GLI3: variants seen among roughly 807,000 people sequenced by gnomAD.
GLI3 encodes the protein transcription activator GLI3.
Under a neutral mutation model 100.8 loss-of-function variants are expected in GLI3, and 20 were observed. The ratio of observed to expected loss-of-function variants is 0.20; its 90% CI spans 0.14 to 0.29. The LOEUF is 0.29. GLI3 is among the 10% of genes least tolerant of loss of function. GLI3 has a pLI of 1.00. For synonymous variants in GLI3, 938 were observed against 860.5 expected (o/e 1.09, Z -1.58); for missense variants, 2,040 against 2,128.5 (o/e 0.96, Z 0.82).
chr7:42,206,294 T>G (rs960580296), intron 2 of GLI3, among the ~76,000 whole-genome samples: 1 of 146,942 alleles, frequency 6.8e-6, no homozygotes, highest in Non-Finnish European at 1.5e-5. Context: ...ATAATAACAA[T>G]AATAATAATA....
chr7:42,089,474 T>C (rs1785171494), intron 3 of GLI3, among the ~76,000 whole-genome samples: 1 of 152,232 alleles, frequency 6.6e-6, no homozygotes, highest in African/African-American at 2.4e-5. Flanking sequence ...CACCAATATA[T>C]ACTTGTACAG....
chr7:42,086,249 C>G (rs571654876), intron 3 of GLI3, among the ~76,000 whole-genome samples: 15 of 152,234 alleles, frequency 9.9e-5, no homozygotes, highest in Non-Finnish European at 2.1e-4. Flanking sequence ...TATTCATACG[C>G]CCATTCTTAT....
intron 2 of GLI3, among the ~76,000 whole-genome samples, chr7:42,152,650 T>C (rs962445781): frequency 6.6e-6 from 1 of 152,170 alleles, no homozygotes; most frequent in Admixed American, 6.5e-5. Flanking sequence ...TGTCACCCTA[T>C]CACAATCAGC....
rs542878535 is a variant in GLI3 at position 42,256,513 on chromosome 7, C to G, written c.-43+7481G>C. Among the ~76,000 whole-genome samples the G allele has an allele frequency of 3.3e-5, 5 of 152,278 alleles. 1 individual carries two copies. Among genetic ancestry groups the G allele is most frequent in the Admixed American group, 3.3e-4 (5 of 15,292 alleles). Reference sequence around the variant, plus strand: ...CATTCTGTATGTGGATATCCAAAGACTGCTGTACCAATCGTTGAAAAGACT... The same window carrying G: ...CATTCTGTATGTGGATATCCAAAGAGTGCTGTACCAATCGTTGAAAAGACT... On this transcript the variant is annotated intron_variant, in intron 1 of 2. Coordinates refer to the GLI3 transcript ENST00000678978.
intron 3 of GLI3, among the ~76,000 whole-genome samples, chr7:42,140,988 T>C (rs1162877003): frequency 6.6e-6 from 1 of 151,996 alleles, no homozygotes; most frequent in Non-Finnish European, 1.5e-5. Context: ...AAGCAACTAC[T>C]AAAAAAGTGC....
At chr7:42,047,037 TCCCAGCTACTTAGGGGG>T (rs1220339342) in intron 5 of GLI3, among the ~76,000 whole-genome samples, 2 of 151,824 alleles carry the variant, frequency 1.3e-5, no homozygotes, top group Non-Finnish European at 2.9e-5. Context: ...ACACCAGTGG[TCCCAGCTACTTAGGGGG>T]CTGAGACAGG....
chr7:42,188,432 C>T (rs897362211), intron 2 of GLI3, among the ~76,000 whole-genome samples: 5 of 152,120 alleles, frequency 3.3e-5, no homozygotes, highest in Admixed American at 6.6e-5. Flanking sequence ...ATTTCTTGAT[C>T]CAGCAATTCT....
chr7:42,262,028 CTCTT>C (rs147898461), intron 1 of GLI3, among the ~76,000 whole-genome samples: 56,525 of 145,370 alleles, frequency 0.39, 11,513 homozygotes, highest in East Asian at 0.45. Context: ...CTCTCTCTCT[CTCTT>C]TCTTTCTTTC....
intron 3 of GLI3, among the ~76,000 whole-genome samples, chr7:42,082,182 G>A (rs10282638): frequency 0.41 from 61,429 of 151,390 alleles, 13,870 homozygotes; most frequent in Admixed American, 0.57. Context: ...TGAGAGATCC[G>A]ACTGCCAAGG....
Position 41,964,826 on chromosome 7 carries a change from C to G in GLI3, c.4247G>C (p.Cys1416Ser). The G allele has an allele frequency of 6.2e-7, 1 of 1,614,016 alleles. No homozygotes were observed. The highest frequency in any genetic ancestry group is 1.1e-5 in the South Asian group (1 of 91,086). ...CTCCATCTTGATACCATTCACCCTG[C>G]AGGTCTGACTTGTGTCACTGAGCTG... is the stretch of plus-strand genomic sequence containing the variant. ...SGQLSDTSQT[C>S]RVNGIKMEMK... Residue 1416 changes from cysteine (C) to serine (S), a missense_variant, in exon 15 of 15, where the codon TGC (cysteine) becomes TCC (serine). This residue lies in a region of GLI3 where 1,041 missense variants were observed against 924.0 expected (regional missense o/e 1.13). Transcript: ENST00000395925.
At chr7:42,257,589 C>T (rs1236324211) in intron 1 of GLI3, among the ~76,000 whole-genome samples, 3 of 152,022 alleles carry the variant, frequency 2.0e-5, no homozygotes, top group Admixed American at 6.5e-5. Context: ...CGTGATCCTC[C>T]CACCTCGGGC....
rs370373191 is a variant in GLI3 at position 42,138,655 on chromosome 7, A to C, written c.367+9571T>G. Among the ~76,000 whole-genome samples, 32 of 152,316 alleles carry C rather than the reference A, an allele frequency of 2.1e-4. No individual in the cohort carries two copies. In the East Asian group the frequency reaches 5.6e-3, roughly 27 times the overall value. On this transcript the variant is annotated intron_variant, in intron 3 of 14. Transcript: ENST00000395925. ...GAAATGTGAAATCTTGCCCCATTTG[A>C]AAACAGGCTTATTCCACGAAAGCAA...
chr7:42,014,576 A>G (rs957569251), intron 10 of GLI3, among the ~76,000 whole-genome samples: 1 of 152,178 alleles, frequency 6.6e-6, no homozygotes, highest in Non-Finnish European at 1.5e-5. Context: ...CTGTGTTTAC[A>G]TCCACCAGTT....
chr7:41,981,193 GGA>G (rs1197698420), intron 10 of GLI3, among the ~76,000 whole-genome samples: 1 of 152,240 alleles, frequency 6.6e-6, no homozygotes, highest in African/African-American at 2.4e-5. Context: ...ACGCATGGCA[GGA>G]GAGAACTGGC....
chr7:42,113,044 G>A (rs1342716156), intron 3 of GLI3, among the ~76,000 whole-genome samples: 2 of 152,040 alleles, frequency 1.3e-5, no homozygotes, highest in Non-Finnish European at 2.9e-5. Context: ...ATGGTGGCAG[G>A]AGCCTGTAAT....
At chr7:42,182,658 A>ATATATATATACATGTGTGTGTG (rs1554337019) in intron 2 of GLI3, among the ~76,000 whole-genome samples, 2 of 56,052 alleles carry the variant, frequency 3.6e-5, no homozygotes, top group African/African-American at 1.0e-4. Context: ...ATATATATAT[A>ATATATATATACATGTGTGTGTG]TATATATATA....
chr7:41,978,470 A>G, intron 11 of GLI3, 129 bp downstream of exon 11: 2 of 882,978 alleles, frequency 2.3e-6, no homozygotes, highest in Non-Finnish European at 3.8e-6. Flanking sequence ...ATTTATCACC[A>G]GACAATACTC....
At chr7:42,022,192 G>C (rs1334742654) in intron 10 of GLI3, among the ~76,000 whole-genome samples, 1 of 152,086 alleles carries the variant, frequency 6.6e-6, no homozygotes. Context: ...GGACCCTGGC[G>C]ATGTCATGTA....
chr7:41,978,583 C>G lies in GLI3; in HGVS notation c.1647+16G>C, dbSNP rs762917179. On this transcript the variant is annotated intron_variant, in intron 11 of 14. Coordinates refer to ENST00000395925, the MANE Select transcript of GLI3 (RefSeq NM_000168.6). Reference sequence around the variant, plus strand: ...GGAAGGACCCAAGTGTGCCTGCCACCCACTTCTGTACTCACAGTGCATTTG... The same window carrying G: ...GGAAGGACCCAAGTGTGCCTGCCACGCACTTCTGTACTCACAGTGCATTTG... 6.9e-5 allele frequency: 112 copies of G among 1,612,794 alleles called. No individual in the cohort carries two copies. The Admixed American group carries it at 1.8e-3, about 26-fold the overall frequency.
Sources: gnomAD v4.1 joint callset for allele counts (sites outside exome capture counted in the v4.1 genomes callset) on GRCh38, gnomAD v4.1.1 for gene constraint, gnomAD v4.1.1 regional missense constraint, MANE v1.5 for transcripts, NCBI Gene and HGNC (gene_info 2026-07-23, HGNC 2026-07-21) for gene names.